SHROOM4: variants seen among roughly 807,000 people sequenced by gnomAD.
SHROOM4 encodes the protein shroom family member 4.
In SHROOM4, 17 loss-of-function variants were observed where a neutral mutation model predicts 80.3. That is an observed-to-expected ratio of 0.21 (90% CI 0.14 to 0.32). The LOEUF is 0.32. SHROOM4 is among the 10% of genes least tolerant of loss of function. The pLI, the probability that SHROOM4 is intolerant of heterozygous loss-of-function variation, is 1.00. For synonymous variants in SHROOM4, 400 were observed against 437.5 expected, an observed-to-expected ratio of 0.91 and a Z score of 1.07; for missense variants, 993 against 1,140.3, an observed-to-expected ratio of 0.87 and a Z score of 1.86.
chrX:50,756,607 G>A (rs1206174511), intron 1 of SHROOM4, among the ~76,000 whole-genome samples: 4 of 112,143 alleles, frequency 3.6e-5, no homozygotes, highest in Non-Finnish European at 5.6e-5. Context: ...TTTTGCATTC[G>A]TATCAGCAAT....
chrX:50,693,566 A>C (rs1933280019), intron 2 of SHROOM4, among the ~76,000 whole-genome samples: 1 of 88,298 alleles, frequency 1.1e-5, no homozygotes, highest in Non-Finnish European at 2.0e-5. Context: ...ACTCCATTTC[A>C]AAAAAAAAAA....
intron 1 of SHROOM4, among the ~76,000 whole-genome samples, chrX:50,753,921 T>C (rs1218206343): frequency 1.8e-5 from 2 of 111,939 alleles, no homozygotes; most frequent in Non-Finnish European, 3.8e-5. Context: ...TTGGGAAACC[T>C]ACTTAAGCTC....
At chrX:50,597,918 A>G (rs1929194013) in intron 8 of SHROOM4, among the ~76,000 whole-genome samples, 2 of 111,356 alleles carry the variant, frequency 1.8e-5, no homozygotes, top group African/African-American at 3.3e-5. Flanking sequence ...TGCTCACGGC[A>G]GTCTCCGCCT....
intron 2 of SHROOM4, among the ~76,000 whole-genome samples, chrX:50,648,289 T>C (rs1931915755): frequency 8.9e-6 from 1 of 111,948 alleles, no homozygotes; most frequent in Non-Finnish European, 1.9e-5. Context: ...GAATGAGCTA[T>C]GATACTTGAG....
At chrX:50,701,379 C>T (rs1395776310) in intron 1 of SHROOM4, among the ~76,000 whole-genome samples, 3 of 111,739 alleles carry the variant, frequency 2.7e-5, no homozygotes, top group Non-Finnish European at 5.6e-5. Context: ...GGGAGACAAA[C>T]GTGACGGCAC....
intron 1 of SHROOM4, among the ~76,000 whole-genome samples, chrX:50,795,127 GATATATATATATATATATGAT>G (rs1569549155): frequency 8.6e-4 from 2 of 2,338 alleles, no homozygotes; most frequent in African/African-American, 1.7e-3. Flanking sequence ...ATATATATAT[GATATATATATATATATATGAT>G]ATATATATAT....
Position 50,757,530 on chromosome X carries a change from A to G in SHROOM4, c.117+56372T>C, listed in dbSNP as rs781821644. ...TGTAATTTTCTGAAACAAAAAAGTC[A>G]TCTCATCTGAGGCCAGGTGCAGTGG... On this transcript the variant is annotated intron_variant, in intron 1 of 8. Coordinates refer to ENST00000376020, the MANE Select transcript of SHROOM4 (RefSeq NM_020717.5). Among the ~76,000 whole-genome samples, 144 of 112,146 alleles carry G rather than the reference A, an allele frequency of 1.3e-3. 1 individual carries two copies. Among genetic ancestry groups the G allele is most frequent in the African/African-American group, 4.6e-3 (142 of 30,846 alleles).
At chrX:50,747,163 T>C (rs1557267670) in intron 1 of SHROOM4, among the ~76,000 whole-genome samples, 1 of 111,985 alleles carries the variant, frequency 8.9e-6, no homozygotes, top group African/African-American at 3.3e-5. Context: ...CTATCCACTG[T>C]ACTATAATGT....
chrX:50,810,365 T>C (rs1391750792), intron 1 of SHROOM4, among the ~76,000 whole-genome samples: 2 of 110,776 alleles, frequency 1.8e-5, no homozygotes, highest in South Asian at 7.8e-4. Context: ...CACTAATCAC[T>C]ACTTTTTCAA....
At chrX:50,791,118 C>T in intron 1 of SHROOM4, among the ~76,000 whole-genome samples, 1 of 110,897 alleles carries the variant, frequency 9.0e-6, no homozygotes, top group Non-Finnish European at 1.9e-5. Context: ...AGTAAAGTTA[C>T]AGGATACAAA....
chrX:50,681,228 T>C (rs1247098299), intron 2 of SHROOM4, among the ~76,000 whole-genome samples: 1 of 111,340 alleles, frequency 9.0e-6, no homozygotes, highest in East Asian at 2.8e-4. Context: ...GGTGATCATC[T>C]ATCAATCCAA....
intron 1 of SHROOM4, among the ~76,000 whole-genome samples, chrX:50,805,648 C>G (rs781859710): frequency 8.9e-6 from 1 of 111,902 alleles, no homozygotes; most frequent in East Asian, 2.8e-4. Context: ...AGCCTTCACA[C>G]TTCCACAGCC....
At chrX:50,728,331 C>T (rs1252599821) in intron 1 of SHROOM4, among the ~76,000 whole-genome samples, 1 of 110,650 alleles carries the variant, frequency 9.0e-6, no homozygotes, top group Non-Finnish European at 1.9e-5. Flanking sequence ...TGCACTCCAG[C>T]CTGGGCAACA....
intron 2 of SHROOM4, among the ~76,000 whole-genome samples, chrX:50,693,590 T>A (rs1248499446): frequency 9.3e-6 from 1 of 107,645 alleles, no homozygotes; most frequent in Non-Finnish European, 1.9e-5. Context: ...TAAGAGCTTT[T>A]TTTTTTTTTA....
At position 50,587,496 on chromosome X, in the gene SHROOM4, C is replaced by T. The variant is rs1343974214; in HGVS notation, c.*9199G>A. 8.9e-6 allele frequency among the ~76,000 whole-genome samples: 1 copy of T among 112,089 alleles called. No homozygotes were observed. The highest frequency in any genetic ancestry group is 9.4e-5 in the Admixed American group (1 of 10,604). ...AATGCAAAAAATATTTTAGTTACTG[C>T]AGTAGCAAAGAGATTCATGAGTTTA... On this transcript the variant is annotated 3_prime_UTR_variant, in exon 9 of 9. Coordinates refer to ENST00000376020, the MANE Select transcript of SHROOM4 (RefSeq NM_020717.5).
In SHROOM4 at chrX:50,714,200, G is replaced by A. The variant is rs144202677; in HGVS notation, c.118-18263C>T. Among the ~76,000 whole-genome samples the A allele has an allele frequency of 5.4e-5, 6 of 111,537 alleles. No homozygotes were observed. The East Asian group carries it at 1.7e-3, about 31-fold the overall frequency. Reference sequence around the variant, plus strand: ...TGGCCTATGTGTCTGTTTTCATACCGACAGCATGCTGTTTTGTAATATAGC... The same window carrying A: ...TGGCCTATGTGTCTGTTTTCATACCAACAGCATGCTGTTTTGTAATATAGC... On this transcript the variant is annotated intron_variant, in intron 1 of 8. Transcript: ENST00000376020.
chrX:50,624,613 C>CTT lies in SHROOM4; in HGVS notation c.2957+2999_2957+3000dup, dbSNP rs36097095. Among the ~76,000 whole-genome samples the CTT allele has an allele frequency of 3.4e-3, 313 of 92,413 alleles. 1 individual carries two copies. The highest frequency in any genetic ancestry group is 5.0e-3 in the Non-Finnish European group (233 of 46,991). The allele number at this position is 92,413 out of a possible 115,157, so 80.2% of individuals were successfully genotyped here. A position where few individuals can be genotyped will look rare whatever the true frequency, so the allele number is the denominator to read the frequency against. ...TCAGAGTTGTTTTTTATCTTTTTAT[C>CTT]TTTTTTTTTTTTTTTTTGAGACAGG... On this transcript the variant is annotated intron_variant, in intron 5 of 8. Transcript: ENST00000376020.
chrX:50,731,492 G>T (rs908590569), intron 1 of SHROOM4, among the ~76,000 whole-genome samples: 3 of 111,989 alleles, frequency 2.7e-5, no homozygotes, highest in Non-Finnish European at 5.6e-5. Context: ...AAGAGATGGG[G>T]ATCCTGTCTT....
chrX:50,715,827 C>A (rs1386308336), intron 1 of SHROOM4, among the ~76,000 whole-genome samples: 1 of 107,991 alleles, frequency 9.3e-6, no homozygotes, highest in Non-Finnish European at 1.9e-5. Flanking sequence ...AATAAAACTA[C>A]CCTATCATCC....
Sources: gnomAD v4.1 joint callset for allele counts (sites outside exome capture counted in the v4.1 genomes callset) on GRCh38, gnomAD v4.1.1 for gene constraint, MANE v1.5 for transcripts, NCBI Gene and HGNC (gene_info 2026-07-23, HGNC 2026-07-21) for gene names.